GALNT17: variants seen among roughly 807,000 people sequenced by gnomAD.
The protein encoded by GALNT17 is polypeptide N-acetylgalactosaminyltransferase 17, also known as UDP-GalNAc:polypeptide N-acetylgalactosaminyltransferase-like 3.
GALNT17 carries 29 observed loss-of-function variants against 63.7 expected under a neutral mutation model. The observed-to-expected ratio is 0.46, with a 90% CI of 0.34 to 0.62. The LOEUF is 0.62. GALNT17 is among the 20% of genes least tolerant of loss of function. The probability of loss-of-function intolerance (pLI) is 0.01; values close to 1 mark genes in which losing one functional copy is unlikely to be tolerated. For missense variants in GALNT17, 603 were observed against 799.6 expected, an observed-to-expected ratio of 0.75 and a Z score of 2.97; for synonymous variants, 305 against 318.3, an observed-to-expected ratio of 0.96 and a Z score of 0.45.
At chr7:71,393,831 G>A (rs1793092173) in intron 3 of GALNT17, among the ~76,000 whole-genome samples, 1 of 152,164 alleles carries the variant, frequency 6.6e-6, no homozygotes, top group South Asian at 2.1e-4. Context: ...ACATCCAGCT[G>A]AAATCATTCA....
At chr7:71,564,174 C>T (rs1374358793) in intron 5 of GALNT17, among the ~76,000 whole-genome samples, 1 of 152,172 alleles carries the variant, frequency 6.6e-6, no homozygotes, top group East Asian at 1.9e-4. Flanking sequence ...GGAGGGTCAC[C>T]TGCTGGGGCC....
chr7:71,321,902 C>CCTTCCTTTCTTCCTTCCTTT (rs1791616600), intron 1 of GALNT17, among the ~76,000 whole-genome samples: 2 of 70,006 alleles, frequency 2.9e-5, no homozygotes, highest in African/African-American at 6.0e-5. Context: ...TTCCTTCCTT[C>CCTTCCTTTCTTCCTTCCTTT]CTTCCTTCCT....
chr7:71,498,976 C>G (rs576209505), intron 5 of GALNT17, among the ~76,000 whole-genome samples: 1 of 152,330 alleles, frequency 6.6e-6, no homozygotes, highest in South Asian at 2.1e-4. Context: ...TCTTTGAAAT[C>G]TGCATTGTGC....
At chr7:71,168,065 T>G (rs920206793) in intron 1 of GALNT17, among the ~76,000 whole-genome samples, 8 of 152,202 alleles carry the variant, frequency 5.3e-5, no homozygotes, top group African/African-American at 1.9e-4. Flanking sequence ...TATTTTTAAG[T>G]TTTTACATAT....
intron 6 of GALNT17, among the ~76,000 whole-genome samples, chr7:71,643,391 C>T (rs2117010445): frequency 6.6e-6 from 1 of 152,196 alleles, no homozygotes; most frequent in African/African-American, 2.4e-5. Context: ...TCGCTTGAAC[C>T]CAGGAGGCGG....
chr7:71,355,688 A>G (rs1030811663), intron 2 of GALNT17, among the ~76,000 whole-genome samples: 2 of 151,704 alleles, frequency 1.3e-5, no homozygotes, highest in Non-Finnish European at 2.9e-5. Flanking sequence ...GTCTAACACT[A>G]TGCCCAGCTA....
At chr7:71,482,196 C>G (rs1280751501) in intron 5 of GALNT17, among the ~76,000 whole-genome samples, 1 of 147,074 alleles carries the variant, frequency 6.8e-6, no homozygotes, top group African/African-American at 2.5e-5. Flanking sequence ...GTCACCCGGT[C>G]TGGAGTGCAG....
chr7:71,421,864 C>T (rs762780129), intron 5 of GALNT17, among the ~76,000 whole-genome samples: 2 of 150,866 alleles, frequency 1.3e-5, no homozygotes, highest in Admixed American at 6.6e-5. Flanking sequence ...ACAGGAGAAT[C>T]ACTTGAACCT....
At chr7:71,206,842 A>C (rs1010144192) in intron 1 of GALNT17, among the ~76,000 whole-genome samples, 4 of 152,064 alleles carry the variant, frequency 2.6e-5, no homozygotes, top group African/African-American at 9.7e-5. Context: ...GTGGTGGCTC[A>C]AGCCTGTAAT....
chr7:71,628,043 A>T (rs986885619), intron 6 of GALNT17, among the ~76,000 whole-genome samples: 2 of 147,392 alleles, frequency 1.4e-5, no homozygotes, highest in South Asian at 2.3e-4. Flanking sequence ...TTAAAATTTC[A>T]TAGTGGGAGC....
intron 1 of GALNT17, among the ~76,000 whole-genome samples, chr7:71,210,802 C>T (rs1029345474): frequency 2.0e-5 from 3 of 152,126 alleles, no homozygotes; most frequent in African/African-American, 7.2e-5. Flanking sequence ...TGCTTAGGAG[C>T]ATTGTTACCA....
intron 4 of GALNT17, among the ~76,000 whole-genome samples, chr7:71,419,864 T>G (rs775535062): frequency 6.6e-6 from 1 of 152,224 alleles, no homozygotes; most frequent in South Asian, 2.1e-4. Flanking sequence ...TGCAGAAGTA[T>G]TGGAAGCAGG....
At chr7:71,541,921 C>T (rs540261329) in intron 5 of GALNT17, among the ~76,000 whole-genome samples, 1 of 152,314 alleles carries the variant, frequency 6.6e-6, no homozygotes, top group African/African-American at 2.4e-5. Context: ...AGGCCCATTT[C>T]AGAGACGACG....
chr7:71,395,725 A>G (rs1032681755), intron 3 of GALNT17, among the ~76,000 whole-genome samples: 15 of 152,198 alleles, frequency 9.9e-5, no homozygotes, highest in African/African-American at 3.6e-4. Context: ...ATCACCATTC[A>G]TATATGAGGG....
intron 5 of GALNT17, among the ~76,000 whole-genome samples, chr7:71,491,066 T>C: frequency 6.6e-6 from 1 of 151,958 alleles, no homozygotes; most frequent in African/African-American, 2.4e-5. Context: ...GGGTGGCACA[T>C]GCCCGTAATC....
At chr7:71,497,214 C>G (rs2116690806) in intron 5 of GALNT17, among the ~76,000 whole-genome samples, 1 of 152,312 alleles carries the variant, frequency 6.6e-6, no homozygotes, top group South Asian at 2.1e-4. Context: ...ATGAGCTGAC[C>G]TTCTTCTGTG....
intron 1 of GALNT17, among the ~76,000 whole-genome samples, chr7:71,244,333 T>G (rs1420310268): frequency 6.6e-6 from 1 of 152,188 alleles, no homozygotes; most frequent in Non-Finnish European, 1.5e-5. Flanking sequence ...TTCCTGGCAT[T>G]TGGAGTTCTG....
At chr7:71,596,643 G>C (rs1003173072) in intron 6 of GALNT17, among the ~76,000 whole-genome samples, 1 of 152,140 alleles carries the variant, frequency 6.6e-6, no homozygotes, top group Middle Eastern at 3.4e-3. Context: ...CTGTGCAATG[G>C]AAGATGTGGT....
chr7:71,418,752 A>G (rs1786598208), intron 4 of GALNT17, among the ~76,000 whole-genome samples: 1 of 152,170 alleles, frequency 6.6e-6, no homozygotes, highest in African/African-American at 2.4e-5. Context: ...GGAGCAAATT[A>G]TTGGGAATCG....
Sources: allele counts gnomAD v4.1 joint callset (sites outside exome capture counted in the v4.1 genomes callset), GRCh38; gene constraint gnomAD v4.1.1; transcripts MANE v1.5; gene names NCBI Gene and HGNC (gene_info 2026-07-23, HGNC 2026-07-21).